The following SGCZ variants were observed in gnomAD, a reference collection of about 807,000 sequenced individuals.
SGCZ encodes the protein zeta-sarcoglycan.
Under a neutral mutation model 41.3 loss-of-function variants are expected in SGCZ, and 40 were observed. The ratio of observed to expected loss-of-function variants is 0.97; its 90% confidence interval spans 0.75 to 1.26. The LOEUF (loss-of-function observed/expected upper bound fraction) is 1.26. Ranked by LOEUF, SGCZ falls within the 50% of genes most tolerant of loss-of-function variation. SGCZ has a pLI of 0.00. For missense variants in SGCZ, 552 were observed against 369.8 expected, an observed-to-expected ratio of 1.49 and a Z score of -4.04; for synonymous variants, 206 against 137.5, an observed-to-expected ratio of 1.50 and a Z score of -3.49.
At chr8:14,584,442 G>T (rs889172349) in intron 1 of SGCZ, among the ~76,000 whole-genome samples, 1 of 152,060 alleles carries the variant, frequency 6.6e-6, no homozygotes, top group Non-Finnish European at 1.5e-5. Context: ...AATAATGCAT[G>T]TTTAACAGAG....
intron 1 of SGCZ, among the ~76,000 whole-genome samples, chr8:14,621,443 A>G (rs1349437299): frequency 6.6e-6 from 1 of 152,136 alleles, no homozygotes; most frequent in Non-Finnish European, 1.5e-5. Context: ...TAATAAAAAA[A>G]TAAATAAAAA....
chr8:14,581,535 C>T (rs1051122191), intron 1 of SGCZ, among the ~76,000 whole-genome samples: 5 of 151,956 alleles, frequency 3.3e-5, no homozygotes, highest in African/African-American at 1.2e-4. Context: ...CTTCCCAAGC[C>T]CACAACATTA....
intron 1 of SGCZ, among the ~76,000 whole-genome samples, chr8:14,745,308 C>G (rs1052405566): frequency 6.6e-6 from 1 of 152,146 alleles, no homozygotes; most frequent in African/African-American, 2.4e-5. Flanking sequence ...GCATGGCAGT[C>G]ACTACTAAGA....
At chr8:15,066,038 G>C (rs1172802279) in intron 1 of SGCZ, among the ~76,000 whole-genome samples, 1 of 152,026 alleles carries the variant, frequency 6.6e-6, no homozygotes, top group African/African-American at 2.4e-5. Context: ...GCCGGGCGCG[G>C]TGGCTCACGC....
chr8:14,600,963 T>C (rs896950228), intron 1 of SGCZ, among the ~76,000 whole-genome samples: 3 of 151,448 alleles, frequency 2.0e-5, no homozygotes, highest in Non-Finnish European at 2.9e-5. Flanking sequence ...ACTTTTTCCA[T>C]ACATTTCCTT....
At chr8:14,745,916 T>G (rs1173142249) in intron 1 of SGCZ, among the ~76,000 whole-genome samples, 1 of 152,108 alleles carries the variant, frequency 6.6e-6, no homozygotes, top group Non-Finnish European at 1.5e-5. Flanking sequence ...GATTTTTTTT[T>G]AAAAGACTTA....
chr8:15,187,572 A>G (rs1405722608), intron 1 of SGCZ, among the ~76,000 whole-genome samples: 8 of 152,092 alleles, frequency 5.3e-5, no homozygotes, highest in Admixed American at 5.2e-4. Context: ...ACAGTGCTTC[A>G]TAGTGAGGAA....
At chr8:14,494,014 A>G (rs1801918872) in intron 2 of SGCZ, among the ~76,000 whole-genome samples, 2 of 152,188 alleles carry the variant, frequency 1.3e-5, no homozygotes, top group African/African-American at 2.4e-5. Flanking sequence ...GGAAGGACAA[A>G]TAACCAAGCA....
At chr8:14,584,720 C>A (rs1200379544) in intron 1 of SGCZ, among the ~76,000 whole-genome samples, 1 of 151,688 alleles carries the variant, frequency 6.6e-6, no homozygotes, top group East Asian at 1.9e-4. Context: ...TAGTAGAATT[C>A]CATAATTACA....
At chr8:14,652,909 T>C (rs1563180823) in intron 1 of SGCZ, among the ~76,000 whole-genome samples, 1 of 152,082 alleles carries the variant, frequency 6.6e-6, no homozygotes, top group African/African-American at 2.4e-5. Flanking sequence ...CCCATTATTG[T>C]AAATTGGAAA....
chr8:14,915,386 T>TTCTCTTTAA (rs1180762143), intron 1 of SGCZ, among the ~76,000 whole-genome samples: 2 of 152,136 alleles, frequency 1.3e-5, no homozygotes, highest in Non-Finnish European at 2.9e-5. Context: ...GGTAAGACTT[T>TTCTCTTTAA]TCTCTTTAAT....
intron 1 of SGCZ, among the ~76,000 whole-genome samples, chr8:15,000,325 T>C (rs968040162): frequency 1.3e-5 from 2 of 152,134 alleles, no homozygotes; most frequent in Admixed American, 6.5e-5. Context: ...ACTTTAAAAA[T>C]ATGGGATAAA....
chr8:14,556,927 C>A (rs983804295), intron 1 of SGCZ, among the ~76,000 whole-genome samples: 2 of 151,858 alleles, frequency 1.3e-5, no homozygotes, highest in African/African-American at 4.8e-5. Flanking sequence ...ATAATGACTT[C>A]TTTTACTCTG....
chr8:14,701,956 A>C (rs546407741), intron 1 of SGCZ, among the ~76,000 whole-genome samples: 1 of 151,972 alleles, frequency 6.6e-6, no homozygotes, highest in East Asian at 1.9e-4. Context: ...ATTTGCCCCC[A>C]GCTATTTCCT....
intron 2 of SGCZ, among the ~76,000 whole-genome samples, chr8:14,521,578 A>C (rs543723453): frequency 6.6e-6 from 1 of 152,284 alleles, no homozygotes; most frequent in East Asian, 1.9e-4. Context: ...AGCTGTTTCC[A>C]AAATTTAACA....
chr8:14,375,115 C>G (rs749061861), intron 2 of SGCZ, among the ~76,000 whole-genome samples: 16 of 100,612 alleles, frequency 1.6e-4, no homozygotes, highest in Non-Finnish European at 4.5e-4. Context: ...GATAGATAGA[C>G]AGACAGACAG....
At chr8:14,724,703 A>C (rs576785812) in intron 1 of SGCZ, among the ~76,000 whole-genome samples, 1 of 149,352 alleles carries the variant, frequency 6.7e-6, no homozygotes, top group African/African-American at 2.5e-5. Flanking sequence ...ATATATATGC[A>C]TATTTATTTT....
chr8:14,339,244 C>G (rs1026342939), intron 2 of SGCZ, among the ~76,000 whole-genome samples: 10 of 152,092 alleles, frequency 6.6e-5, no homozygotes, highest in African/African-American at 2.4e-4. Context: ...TGTAATCGCT[C>G]AAGGCCAGAC....
At chr8:14,890,832 A>C (rs900992607) in intron 1 of SGCZ, among the ~76,000 whole-genome samples, 15 of 152,196 alleles carry the variant, frequency 9.9e-5, no homozygotes, top group Non-Finnish European at 2.2e-4. Flanking sequence ...TGATTACTTT[A>C]AGTTTTAGGC....
Sources: gnomAD v4.1 joint callset for allele counts (sites outside exome capture counted in the v4.1 genomes callset) on GRCh38, gnomAD v4.1.1 for gene constraint, MANE v1.5 for transcripts, NCBI Gene and HGNC (gene_info 2026-07-23, HGNC 2026-07-21) for gene names.